CMSS1: variants seen among roughly 807,000 people sequenced by gnomAD.
CMSS1 encodes cms1 ribosomal small subunit homolog.
Under a neutral mutation model 43.5 loss-of-function variants are expected in CMSS1, and 33 were observed. The ratio of observed to expected loss-of-function variants is 0.76; its 90% CI spans 0.57 to 1.01. CMSS1 has a LOEUF of 1.01. Ranked by LOEUF, CMSS1 falls within the 50% of genes least tolerant of loss-of-function variation. The probability of loss-of-function intolerance (pLI) is 0.00; values close to 1 mark genes in which losing one functional copy is unlikely to be tolerated. For synonymous variants in CMSS1, 115 were observed against 117.2 expected (o/e 0.98, Z 0.12); for missense variants, 313 against 326.4 (o/e 0.96, Z 0.32).
chr3:100,063,496 A>G (rs900361908), intron 1 of CMSS1, among the ~76,000 whole-genome samples: 2 of 152,192 alleles, frequency 1.3e-5, no homozygotes, highest in African/African-American at 2.4e-5. Context: ...TTTACTTTAA[A>G]AAAAAGAAAA....
intron 3 of CMSS1, among the ~76,000 whole-genome samples, chr3:100,160,820 G>T (rs1454226499): frequency 6.6e-6 from 1 of 152,026 alleles, no homozygotes. Flanking sequence ...TCCTCCCCCG[G>T]CCCTTCTGGC....
At chr3:100,147,512 A>G (rs558319836) in intron 2 of CMSS1, among the ~76,000 whole-genome samples, 12 of 152,110 alleles carry the variant, frequency 7.9e-5, no homozygotes, top group Non-Finnish European at 1.6e-4. Flanking sequence ...AGCTCAAGCA[A>G]TCTACCCACC....
At chr3:100,152,783 G>A (rs537797503) in intron 2 of CMSS1, among the ~76,000 whole-genome samples, 1 of 152,092 alleles carries the variant, frequency 6.6e-6, no homozygotes, top group Non-Finnish European at 1.5e-5. Context: ...AAACTGTATT[G>A]CTAAACTTTC....
intron 1 of CMSS1, among the ~76,000 whole-genome samples, chr3:100,070,618 G>GT (rs1212172974): frequency 6.6e-6 from 1 of 151,992 alleles, no homozygotes; most frequent in Non-Finnish European, 1.5e-5. Flanking sequence ...TCATCGTGGG[G>GT]TTTTTTTGTT....
chr3:100,100,291 A>T (rs1436061688), intron 1 of CMSS1, among the ~76,000 whole-genome samples: 1 of 152,182 alleles, frequency 6.6e-6, no homozygotes, highest in Non-Finnish European at 1.5e-5. Context: ...GGAGTCTGTG[A>T]AAAGGGTAAA....
rs574750578 is a variant in CMSS1 at position 99,981,886 on chromosome 3, C to T, written c.64+163843C>T. On this transcript the variant is annotated intron_variant, in intron 1 of 9. Coordinates refer to ENST00000421999, the MANE Select transcript of CMSS1 (RefSeq NM_032359.4). The stretch of plus-strand genomic sequence containing the variant: ...AGGCATGGTGGCTCACACCTGTAAT[C>T]CCAGCAAGGCGGGAGGATCGCTTGA... 2.0e-5 allele frequency among the ~76,000 whole-genome samples: 3 copies of T among 152,278 alleles called. No homozygotes were observed. In the South Asian group the frequency reaches 6.2e-4, roughly 32 times the overall value.
intron 1 of CMSS1, among the ~76,000 whole-genome samples, chr3:100,086,470 G>C (rs6783067): frequency 0.015 from 2,244 of 152,198 alleles, 55 homozygotes; most frequent in African/African-American, 0.052. Flanking sequence ...ACTTATAACA[G>C]TACCTAACTC....
chr3:99,984,048 A>ATGTGTG (rs367846393), intron 1 of CMSS1, among the ~76,000 whole-genome samples: 3 of 147,582 alleles, frequency 2.0e-5, no homozygotes, highest in East Asian at 2.0e-4. Context: ...AAGGATGTAT[A>ATGTGTG]TGTATGTGTG....
chr3:99,985,772 A>G (rs1022070547), intron 1 of CMSS1, among the ~76,000 whole-genome samples: 1 of 152,110 alleles, frequency 6.6e-6, no homozygotes, highest in Non-Finnish European at 1.5e-5. Flanking sequence ...TATTTTTACT[A>G]GAGATGGGGT....
chr3:99,818,191 G>A (rs1942360771), intron 1 of CMSS1, 148 bp downstream of exon 1: 2 of 685,280 alleles, frequency 2.9e-6, no homozygotes, highest in Middle Eastern at 3.5e-4. Flanking sequence ...GGAAAATGGT[G>A]CAAGAGATTC....
At chr3:100,138,086 T>C (rs909661019) in intron 1 of CMSS1, among the ~76,000 whole-genome samples, 3 of 152,110 alleles carry the variant, frequency 2.0e-5, no homozygotes, top group African/African-American at 7.2e-5. Flanking sequence ...AAACAAGCAA[T>C]GGGGAAATGA....
intron 1 of CMSS1, among the ~76,000 whole-genome samples, chr3:99,875,641 AAG>A (rs1345286205): frequency 6.6e-6 from 1 of 152,234 alleles, no homozygotes; most frequent in African/African-American, 2.4e-5. Flanking sequence ...CATTTACAAA[AAG>A]AGGGGAAAAC....
intron 1 of CMSS1, among the ~76,000 whole-genome samples, chr3:100,012,585 G>C (rs1316216810): frequency 6.6e-6 from 1 of 151,966 alleles, no homozygotes; most frequent in African/African-American, 2.4e-5. Flanking sequence ...TAGTGCTTCA[G>C]GAGGATTTCA....
At chr3:99,861,711 A>G (rs936034282) in intron 1 of CMSS1, among the ~76,000 whole-genome samples, 1 of 152,178 alleles carries the variant, frequency 6.6e-6, no homozygotes. Context: ...GGCAGGTGGA[A>G]TGACTGACAG....
chr3:100,140,010 G>A (rs140137400), intron 1 of CMSS1, among the ~76,000 whole-genome samples: 4 of 152,228 alleles, frequency 2.6e-5, no homozygotes, highest in African/African-American at 9.6e-5. Context: ...CCCACTGGGT[G>A]CAGTTACACA....
intron 1 of CMSS1, among the ~76,000 whole-genome samples, chr3:99,862,146 A>G (rs1293427176): frequency 6.6e-6 from 1 of 152,240 alleles, no homozygotes; most frequent in African/African-American, 2.4e-5. Context: ...TGATTTAGCC[A>G]TTCCACAATA....
intron 1 of CMSS1, chr3:99,849,413 T>C (rs748255489): frequency 1.9e-5 from 30 of 1,614,084 alleles, no homozygotes; most frequent in Middle Eastern, 1.6e-4. Flanking sequence ...CTGTTCCTGT[T>C]TTCTTGTTGA....
intron 1 of CMSS1, among the ~76,000 whole-genome samples, chr3:100,087,717 A>C (rs2066035181): frequency 6.6e-6 from 1 of 151,944 alleles, no homozygotes; most frequent in African/African-American, 2.4e-5. Context: ...ACAAAGGAAA[A>C]GTTTTTGAAG....
chr3:100,071,107 TTTTTG>T, intron 1 of CMSS1, among the ~76,000 whole-genome samples: 1 of 150,308 alleles, frequency 6.7e-6, no homozygotes, highest in Non-Finnish European at 1.5e-5. Flanking sequence ...TTTTTTTTTT[TTTTTG>T]GATGGATTAG....
Sources: allele counts gnomAD v4.1 joint callset (sites outside exome capture counted in the v4.1 genomes callset), GRCh38; gene constraint gnomAD v4.1.1; transcripts MANE v1.5; gene names NCBI Gene and HGNC (gene_info 2026-07-23, HGNC 2026-07-21).